SLC24A4: variants seen among roughly 807,000 people sequenced by gnomAD.
The protein encoded by SLC24A4 is sodium/potassium/calcium exchanger 4.
A neutral mutation model predicts 79.0 loss-of-function variants in SLC24A4; 53 were observed. That is an observed-to-expected ratio of 0.67 (90% CI 0.54 to 0.84). The LOEUF (loss-of-function observed/expected upper bound fraction) is 0.84, where lower values mean the gene tolerates loss of function less well. Ranked by LOEUF, SLC24A4 falls within the 40% of genes least tolerant of loss-of-function variation. The pLI is 0.00. For missense variants in SLC24A4, 731 were observed against 822.0 expected (o/e 0.89, Z 1.35); for synonymous variants, 323 against 323.8 (o/e 1.00, Z 0.03).
At chr14:92,357,488 A>G (rs1030953704) in intron 2 of SLC24A4, among the ~76,000 whole-genome samples, 4 of 152,230 alleles carry the variant, frequency 2.6e-5, no homozygotes, top group African/African-American at 7.2e-5. Context: ...TGGAATATAC[A>G]TGCAATGGAA....
chr14:92,355,060 A>G (rs1887098971), intron 2 of SLC24A4, among the ~76,000 whole-genome samples: 1 of 152,140 alleles, frequency 6.6e-6, no homozygotes, highest in Non-Finnish European at 1.5e-5. Context: ...TGTGACAGAG[A>G]AAGACTCTAT....
rs556231816 is a variant in SLC24A4 at position 92,492,082 on chromosome 14, A to C, written c.1651-93A>C. The C allele has an allele frequency of 1.6e-4, 181 of 1,152,672 alleles. 1 individual carries two copies. Among genetic ancestry groups the C allele is most frequent in the Middle Eastern group, 5.4e-4 (2 of 3,670 alleles). 71.4% of individuals were successfully genotyped at this position (1,152,672 alleles called of 1,614,324 possible). A position where few individuals can be genotyped will look rare whatever the true frequency, so the allele number is the denominator to read the frequency against. ...TGTAAACACCTGTGTTTTCCTGATG[A>C]GGGAATGCATTGGGCCCAGGCATGC... On this transcript the variant is annotated intron_variant, in intron 15 of 16. Transcript: ENST00000532405.
intron 2 of SLC24A4, among the ~76,000 whole-genome samples, chr14:92,402,248 G>A (rs1890154640): frequency 6.6e-6 from 1 of 152,164 alleles, no homozygotes; most frequent in South Asian, 2.1e-4. Context: ...ATTATTGAGT[G>A]CTAAGTGGGA....
chr14:92,473,035 TG>T (rs1217199473), intron 12 of SLC24A4, among the ~76,000 whole-genome samples: 1 of 152,210 alleles, frequency 6.6e-6, no homozygotes, highest in African/African-American at 2.4e-5. Flanking sequence ...TGCTTCCTCA[TG>T]TGGCCCCATG....
intron 11 of SLC24A4, 122 bp from the exon 12 acceptor site, chr14:92,456,282 T>A: frequency 1.1e-6 from 1 of 892,080 alleles, no homozygotes; most frequent in Non-Finnish European, 1.8e-6. Flanking sequence ...GGCAAACCTG[T>A]CCCCAGGGTT....
intron 2 of SLC24A4, among the ~76,000 whole-genome samples, chr14:92,334,934 G>A (rs1399495091): frequency 1.3e-5 from 2 of 151,946 alleles, no homozygotes; most frequent in African/African-American, 4.8e-5. Context: ...CGTCATCGAG[G>A]TGAAGTCCAG....
intron 2 of SLC24A4, among the ~76,000 whole-genome samples, chr14:92,402,049 T>C (rs1330430666): frequency 6.6e-6 from 1 of 152,196 alleles, no homozygotes; most frequent in Non-Finnish European, 1.5e-5. Context: ...ATGGAATATA[T>C]TAGTTTGCAC....
rs576146244 is a variant in SLC24A4, at chr14:92,335,046, A to G, written c.241+9068A>G. On this transcript the variant is annotated intron_variant, in intron 2 of 16. Coordinates refer to ENST00000532405, the MANE Select transcript of SLC24A4 (RefSeq NM_153646.4). ...CTGTCCTCAGTTTGCCGATGAAGTG[A>G]AAGAAACCCAAACTAGTCCAAGTCA... Among the ~76,000 whole-genome samples, 3 of 152,312 alleles carry G rather than the reference A, an allele frequency of 2.0e-5. No homozygotes were observed. In the South Asian group the frequency reaches 6.2e-4, roughly 32 times the overall value.
intron 2 of SLC24A4, among the ~76,000 whole-genome samples, chr14:92,391,217 C>T (rs1000605047): frequency 2.0e-5 from 3 of 152,340 alleles, no homozygotes; most frequent in Non-Finnish European, 4.4e-5. Context: ...GGGCAGCTAG[C>T]TACACCTGCC....
chr14:92,339,910 T>TAGGCAGA (rs2141614008), intron 2 of SLC24A4, among the ~76,000 whole-genome samples: 1 of 152,324 alleles, frequency 6.6e-6, no homozygotes, highest in Non-Finnish European at 1.5e-5. Flanking sequence ...CAAAGAGTCT[T>TAGGCAGA]AGGCAGAAGT....
intron 12 of SLC24A4, among the ~76,000 whole-genome samples, chr14:92,456,833 C>T (rs1192338830): frequency 6.6e-6 from 1 of 152,182 alleles, no homozygotes; most frequent in Non-Finnish European, 1.5e-5. Flanking sequence ...GCAGCAAGAG[C>T]CTCGGGCCAG....
chr14:92,433,930 C>T lies in SLC24A4; in HGVS notation c.260C>T (p.Thr87Ile), dbSNP rs1333642490. 1.9e-6 allele frequency: 3 copies of T among 1,614,174 alleles called. No individual in the cohort carries two copies. Among genetic ancestry groups the T allele is most frequent in the Non-Finnish European group, 2.5e-6 (3 of 1,179,992 alleles). Reference protein sequence around the residue: ...CTDPAIHEFPTDLFSNKERQH... With the variant: ...CTDPAIHEFPIDLFSNKERQH... The stretch of plus-strand genomic sequence containing the variant: ...CTTCCAGCGATTCACGAGTTCCCCA[C>T]AGATCTGTTCTCCAATAAGGAGCGA... Residue 87 changes from threonine (T) to isoleucine (I), a missense_variant, in exon 3 of 17, where the codon ACA becomes ATA. By Grantham distance (89) the Thr-to-Ile change is moderately conservative. Transcript: ENST00000532405.
chr14:92,407,697 AACTC>A (rs1477533805), intron 2 of SLC24A4, among the ~76,000 whole-genome samples: 2 of 152,114 alleles, frequency 1.3e-5, no homozygotes, highest in South Asian at 2.1e-4. Flanking sequence ...ATTTCATGAG[AACTC>A]ACTCACTATC....
chr14:92,440,129 C>G (rs1168911990), intron 4 of SLC24A4, among the ~76,000 whole-genome samples: 4 of 152,184 alleles, frequency 2.6e-5, no homozygotes, highest in African/African-American at 9.6e-5. Context: ...GGTGCTTCCC[C>G]GTGACTTTCC....
At chr14:92,446,446 T>C (rs1892801716) in intron 8 of SLC24A4, among the ~76,000 whole-genome samples, 2 of 152,166 alleles carry the variant, frequency 1.3e-5, no homozygotes, top group African/African-American at 4.8e-5. Flanking sequence ...TATGATTATT[T>C]ATGGAAAGAG....
chr14:92,459,634 G>A (rs1397247484), intron 12 of SLC24A4, among the ~76,000 whole-genome samples: 1 of 152,170 alleles, frequency 6.6e-6, no homozygotes, highest in Non-Finnish European at 1.5e-5. Context: ...TTGTGCGTCT[G>A]CGGATGTGTT....
intron 2 of SLC24A4, among the ~76,000 whole-genome samples, chr14:92,392,679 T>C (rs763398330): frequency 2.0e-5 from 3 of 152,328 alleles, no homozygotes; most frequent in Middle Eastern, 3.4e-3. Context: ...AATCCAAATG[T>C]TGAATCTTTA....
chr14:92,371,628 C>T (rs1372183277), intron 2 of SLC24A4, among the ~76,000 whole-genome samples: 4 of 152,166 alleles, frequency 2.6e-5, no homozygotes, highest in African/African-American at 4.8e-5. Flanking sequence ...CCACCCCATT[C>T]GGGACCCCTC....
chr14:92,469,165 T>C (rs1019012755), intron 12 of SLC24A4, among the ~76,000 whole-genome samples: 4 of 152,116 alleles, frequency 2.6e-5, no homozygotes, highest in Non-Finnish European at 5.9e-5. Flanking sequence ...CAAGTACTGG[T>C]GAGGGGATGG....
Sources: gnomAD v4.1 joint callset for allele counts (sites outside exome capture counted in the v4.1 genomes callset) on GRCh38, gnomAD v4.1.1 for gene constraint, MANE v1.5 for transcripts, NCBI Gene and HGNC (gene_info 2026-07-23, HGNC 2026-07-21) for gene names.